Variants in LRP1B observed in about 807,000 individuals in gnomAD.
The protein encoded by LRP1B is LDL receptor related protein 1B.
In LRP1B, 217 loss-of-function variants were observed where a neutral mutation model predicts 556.6. The observed-to-expected ratio is 0.39, with a 90% CI of 0.35 to 0.44. LRP1B has a LOEUF of 0.44. Ranked by LOEUF, LRP1B falls within the 20% of genes least tolerant of loss-of-function variation. LRP1B has a pLI of 1.00. For missense variants in LRP1B, 5,053 were observed against 5,620.8 expected, an observed-to-expected ratio of 0.90 and a Z score of 3.23; for synonymous variants, 2,047 against 1,865.8, an observed-to-expected ratio of 1.10 and a Z score of -2.50.
At chr2:140,951,196 C>T (rs546973531) in intron 19 of LRP1B, among the ~76,000 whole-genome samples, 1 of 152,192 alleles carries the variant, frequency 6.6e-6, no homozygotes, top group South Asian at 2.1e-4. Flanking sequence ...CATTCTCCAA[C>T]ATGAGAACCC....
At position 141,345,058 on chromosome 2, in the gene LRP1B, C is replaced by T. The variant is rs550826315; in HGVS notation, c.344-90417G>A. Among the ~76,000 whole-genome samples, 6 of 151,910 alleles carry T rather than the reference C, an allele frequency of 3.9e-5. No individual in the cohort carries two copies. The East Asian group carries it at 5.8e-4, about 15-fold the overall frequency. On this transcript the variant is annotated intron_variant, in intron 3 of 90. Transcript: ENST00000389484. ...GTCCTTACAAGTGAAAGGAGAAGTA[C>T]GTTACAAAGTTAGAATGATGCAATG...
At chr2:141,971,705 A>T (rs1701737844) in intron 1 of LRP1B, among the ~76,000 whole-genome samples, 1 of 151,544 alleles carries the variant, frequency 6.6e-6, no homozygotes, top group South Asian at 2.1e-4. Context: ...CCAGTAAAAA[A>T]TGGTATAACA....
At chr2:141,810,853 G>T (rs1696331333) in intron 1 of LRP1B, among the ~76,000 whole-genome samples, 1 of 151,970 alleles carries the variant, frequency 6.6e-6, no homozygotes, top group African/African-American at 2.4e-5. Context: ...TGAGTATTCA[G>T]TTCTTAACCA....
chr2:140,521,733 C>T (rs1690183590), intron 49 of LRP1B, among the ~76,000 whole-genome samples: 1 of 151,914 alleles, frequency 6.6e-6, no homozygotes, highest in Admixed American at 6.6e-5. Context: ...CAGTTGTAAA[C>T]TGGATAAAAA....
chr2:141,253,623 A>G (rs1350210227), intron 4 of LRP1B, among the ~76,000 whole-genome samples: 2 of 152,064 alleles, frequency 1.3e-5, no homozygotes, highest in Non-Finnish European at 2.9e-5. Context: ...ATTTTAAACA[A>G]TTATCTCATG....
At chr2:142,048,380 T>C (rs1704330618) in intron 1 of LRP1B, among the ~76,000 whole-genome samples, 1 of 152,052 alleles carries the variant, frequency 6.6e-6, no homozygotes, top group African/African-American at 2.4e-5. Flanking sequence ...CCTCATAAGT[T>C]TTGACTTGCA....
Position 140,776,814 on chromosome 2 carries a change from G to A in LRP1B, c.5360-576C>T, listed in dbSNP as rs115196667. ...CTCCAAAATTGCATTAATTTATACC[G>A]GTACCACCTACTGAGTGTTCATTTG... On this transcript the variant is annotated intron_variant, in intron 32 of 90. Transcript: ENST00000389484. Among the ~76,000 whole-genome samples, 90 of 151,846 alleles carry A rather than the reference G, an allele frequency of 5.9e-4. 1 individual carries two copies. Among genetic ancestry groups the A allele is most frequent in the East Asian group, 2.3e-3 (12 of 5,140 alleles).
In LRP1B at chr2:141,866,067, T is replaced by C. The variant is rs191790296; in HGVS notation, c.83-55666A>G. On this transcript the variant is annotated intron_variant, in intron 1 of 90. Coordinates refer to ENST00000389484, the MANE Select transcript of LRP1B (RefSeq NM_018557.3). ...TGGAGAATAGGGATGGATATGTAGG[T>C]GTGTCCTTGAGGATTTTAGTGACCC... is the stretch of plus-strand genomic sequence containing the variant. Among the ~76,000 whole-genome samples, 160 of 152,330 alleles carry C rather than the reference T, an allele frequency of 1.1e-3. 1 individual carries two copies. The highest frequency in any genetic ancestry group is 8.4e-4 in the African/African-American group (35 of 41,582).
At chr2:140,286,070 T>G (rs1362066293) in intron 84 of LRP1B, among the ~76,000 whole-genome samples, 1 of 151,834 alleles carries the variant, frequency 6.6e-6, no homozygotes, top group Non-Finnish European at 1.5e-5. Context: ...ATAAGAGCAG[T>G]TTTCTGTTTT....
intron 7 of LRP1B, among the ~76,000 whole-genome samples, chr2:141,149,341 T>G (rs1435338933): frequency 6.6e-6 from 1 of 152,146 alleles, no homozygotes; most frequent in African/African-American, 2.4e-5. Flanking sequence ...TTCTCTAGAC[T>G]CTGGTAGCCA....
chr2:140,956,473 T>C (rs1379590053), intron 18 of LRP1B, among the ~76,000 whole-genome samples: 2 of 151,796 alleles, frequency 1.3e-5, no homozygotes, highest in African/African-American at 4.8e-5. Context: ...ACCTACCTTA[T>C]GGTACATAAT....
At chr2:140,797,065 T>C (rs1295545019) in intron 32 of LRP1B, among the ~76,000 whole-genome samples, 4 of 152,010 alleles carry the variant, frequency 2.6e-5, no homozygotes, top group South Asian at 4.1e-4. Context: ...AAAATTAATG[T>C]TTCAATCCCT....
At chr2:141,818,703 A>AT in intron 1 of LRP1B, among the ~76,000 whole-genome samples, 1 of 150,674 alleles carries the variant, frequency 6.6e-6, no homozygotes, top group South Asian at 2.1e-4. Context: ...CACCTGGCTA[A>AT]TTTTTTGTAT....
chr2:140,566,719 T>G (rs761162516), intron 43 of LRP1B, among the ~76,000 whole-genome samples: 2 of 152,166 alleles, frequency 1.3e-5, no homozygotes, highest in Non-Finnish European at 2.9e-5. Context: ...AAACTGTTCC[T>G]TGGCCTCTCA....
Position 141,663,617 on chromosome 2 carries a change from G to A in LRP1B, c.205+146662C>T, listed in dbSNP as rs567493302. The stretch of plus-strand genomic sequence containing the variant: ...AAATGGATACATTTCTGGACAATGC[G>A]CCCTCCCACGACAGAACCAGGAAGA... On this transcript the variant is annotated intron_variant, in intron 2 of 90. Transcript: ENST00000389484. Among the ~76,000 whole-genome samples the A allele has an allele frequency of 1.8e-4, 28 of 151,916 alleles. No individual in the cohort carries two copies. In the South Asian group the frequency reaches 3.1e-3, roughly 17 times the overall value.
intron 43 of LRP1B, among the ~76,000 whole-genome samples, chr2:140,579,330 A>C (rs1014384474): frequency 1.3e-5 from 2 of 151,802 alleles, no homozygotes; most frequent in African/African-American, 4.8e-5. Context: ...TTTTTAGCTA[A>C]TTTCTCTGAT....
At chr2:140,474,452 GT>G (rs1351960864) in intron 60 of LRP1B, among the ~76,000 whole-genome samples, 1 of 151,842 alleles carries the variant, frequency 6.6e-6, no homozygotes, top group Non-Finnish European at 1.5e-5. Context: ...TTTAAGTGAT[GT>G]TTGGAAATGT....
chr2:140,588,601 G>A (rs1300197851), intron 43 of LRP1B, among the ~76,000 whole-genome samples: 2 of 152,102 alleles, frequency 1.3e-5, no homozygotes, highest in Non-Finnish European at 2.9e-5. Context: ...AAAGAACAGG[G>A]AACCCCAATA....
At chr2:142,029,739 T>A (rs1703622163) in intron 1 of LRP1B, among the ~76,000 whole-genome samples, 1 of 151,904 alleles carries the variant, frequency 6.6e-6, no homozygotes, top group Non-Finnish European at 1.5e-5. Flanking sequence ...TTATCTTCAA[T>A]GTTTTACCCG....
Sources: allele counts gnomAD v4.1 joint callset (sites outside exome capture counted in the v4.1 genomes callset), GRCh38; gene constraint gnomAD v4.1.1; transcripts MANE v1.5; gene names NCBI Gene and HGNC (gene_info 2026-07-23, HGNC 2026-07-21).